The following CMYA5 variants were observed in gnomAD, a reference collection of about 807,000 sequenced individuals.
CMYA5 encodes the protein cardiomyopathy associated 5, also known as cardiomyopathy-associated protein 5.
In CMYA5, 246 loss-of-function variants were observed where a neutral mutation model predicts 318.9. The ratio of observed to expected loss-of-function variants is 0.77; its 90% CI spans 0.70 to 0.86. The LOEUF (loss-of-function observed/expected upper bound fraction) is 0.86. Among genes scored for constraint, CMYA5 ranks in the 40% least tolerant of loss-of-function variants. The pLI is 0.00. For missense variants in CMYA5, 4,589 were observed against 4,678.2 expected (o/e 0.98, Z 0.56); for synonymous variants, 1,641 against 1,729.5 (o/e 0.95, Z 1.27).
At chr5:79,792,368 T>C (rs761372121) in intron 11 of CMYA5, among the ~76,000 whole-genome samples, 5 of 152,324 alleles carry the variant, frequency 3.3e-5, no homozygotes, top group Non-Finnish European at 7.4e-5. Context: ...TTTTCTGTCT[T>C]TTGGATTCCT....
At chr5:79,786,359 C>A (rs1402802583) in intron 9 of CMYA5, among the ~76,000 whole-genome samples, 1 of 152,218 alleles carries the variant, frequency 6.6e-6, no homozygotes, top group African/African-American at 2.4e-5. Context: ...CAAAATGAGA[C>A]CATTTGAGTC....
chr5:79,772,600 C>T (rs890285364), intron 9 of CMYA5, among the ~76,000 whole-genome samples: 2 of 152,236 alleles, frequency 1.3e-5, no homozygotes, highest in Non-Finnish European at 2.9e-5. Flanking sequence ...TGCTGACACA[C>T]TGCATCAGAG....
chr5:79,755,380 G>T (rs555315688), intron 6 of CMYA5, among the ~76,000 whole-genome samples: 2 of 152,120 alleles, frequency 1.3e-5, no homozygotes, highest in South Asian at 4.1e-4. Context: ...TCCGCCTCCC[G>T]GGTTCAAGCC....
In CMYA5 at chr5:79,765,607, C is replaced by A. The variant is rs551997644; in HGVS notation, c.11555+2398C>A. Among the ~76,000 whole-genome samples the A allele has an allele frequency of 7.2e-5, 11 of 152,258 alleles. No individual in the cohort carries two copies. In the South Asian group the frequency reaches 1.0e-3, roughly 14 times the overall value. On this transcript the variant is annotated intron_variant, in intron 9 of 12. Coordinates refer to ENST00000446378, the MANE Select transcript of CMYA5 (RefSeq NM_153610.5). Reference sequence around the variant, plus strand: ...TATGGCCATTTTCACAATATTGGTTCTTTCTATCCATGAGCATGGAATGTT... The same window carrying A: ...TATGGCCATTTTCACAATATTGGTTATTTCTATCCATGAGCATGGAATGTT...
chr5:79,755,412 C>T (rs1168303471), intron 6 of CMYA5, among the ~76,000 whole-genome samples: 2 of 152,042 alleles, frequency 1.3e-5, no homozygotes, highest in African/African-American at 2.4e-5. Context: ...TCAGCCTCCC[C>T]AGTAGCTGGG....
chr5:79,719,466 T>G (rs1017389126), intron 1 of CMYA5, among the ~76,000 whole-genome samples: 1 of 152,212 alleles, frequency 6.6e-6, no homozygotes, highest in Non-Finnish European at 1.5e-5. Context: ...ATATCAGATG[T>G]TATATTTTTT....
chr5:79,737,660 C>T lies in CMYA5; in HGVS notation c.8895C>T (p.Ile2965=), dbSNP rs369437195. The T allele has an allele frequency of 5.6e-6, 9 of 1,613,024 alleles. No homozygotes were observed. Among genetic ancestry groups the T allele is most frequent in the Middle Eastern group, 1.6e-4 (1 of 6,080 alleles). The change falls in exon 2 of 13, where the codon ATC becomes ATT. Residue 2965 remains isoleucine (I), a synonymous_variant. Transcript: ENST00000446378. ...NIHAPAFISS[I]DQEESEQMQD... ...ATGCTCCGGCCTTTATTTCTTCAATCGATCAGGAAGAAAGTGAACAAATGC... is the reference window on the plus strand; with the variant it reads ...ATGCTCCGGCCTTTATTTCTTCAATTGATCAGGAAGAAAGTGAACAAATGC...
At position 79,731,204 on chromosome 5, in the gene CMYA5, G is replaced by T. The variant is rs1827889858; in HGVS notation, c.2439G>T (p.Lys813Asn). ...APLNATQESQ[K>N]KIINEASQFK... Reference sequence around the variant, plus strand: ...TCAATGCAACACAGGAATCTCAAAAGAAAATAATCAATGAGGCATCCCAAT... The same window carrying T: ...TCAATGCAACACAGGAATCTCAAAATAAAATAATCAATGAGGCATCCCAAT... Residue 813 changes from lysine to asparagine, a missense_variant, in exon 2 of 13, where the codon AAG becomes AAT. Physicochemically the swap from Lys to Asn is moderately conservative, Grantham distance 94. This residue lies in a region of CMYA5 where 2,132 missense variants were observed against 2,131.3 expected (regional missense o/e 1.00). Coordinates refer to ENST00000446378, the MANE Select transcript of CMYA5 (RefSeq NM_153610.5). 1 of 1,613,994 alleles carries T rather than the reference G, an allele frequency of 6.2e-7. No homozygotes were observed. The highest frequency in any genetic ancestry group is 8.5e-7 in the Non-Finnish European group (1 of 1,179,892).
chr5:79,728,251 G>C (rs1404538878), intron 1 of CMYA5, among the ~76,000 whole-genome samples: 1 of 152,084 alleles, frequency 6.6e-6, no homozygotes, highest in Non-Finnish European at 1.5e-5. Context: ...ACCTGTAGGG[G>C]TAGGGTGCAG....
rs895059899 is a variant in CMYA5, at chr5:79,738,452, C to T, written c.9687C>T (p.Asp3229=). ...SEASFPSRNS[D]TDDGTGIYFE... ...CATCATTTCCCAGCAGAAATTCTGA[C>T]ACTGATGATGGAACAGGAATATATT... is the stretch of plus-strand genomic sequence containing the variant. The change falls in exon 2 of 13, where the codon GAC becomes GAT. Residue 3229 remains aspartate, a synonymous_variant. Coordinates refer to ENST00000446378, the MANE Select transcript of CMYA5 (RefSeq NM_153610.5). 6.2e-7 allele frequency: 1 copy of T among 1,613,698 alleles called. No homozygotes were observed. Among genetic ancestry groups the T allele is most frequent in the Admixed American group, 1.7e-5 (1 of 59,960 alleles).
chr5:79,772,371 C>G (rs1828872025), intron 9 of CMYA5, among the ~76,000 whole-genome samples: 1 of 152,164 alleles, frequency 6.6e-6, no homozygotes, highest in African/African-American at 2.4e-5. Context: ...ATGCGAAGCC[C>G]TGTTGATAGT....
chr5:79,786,793 T>C (rs1005958035), intron 9 of CMYA5, among the ~76,000 whole-genome samples: 1 of 152,200 alleles, frequency 6.6e-6, no homozygotes, highest in Non-Finnish European at 1.5e-5. Flanking sequence ...CTAACCTTTT[T>C]TGCTTTGTTC....
intron 7 of CMYA5, among the ~76,000 whole-genome samples, chr5:79,760,188 C>CT (rs11304680): frequency 7.4e-4 from 106 of 143,952 alleles, no homozygotes; most frequent in East Asian, 1.2e-3. Context: ...GCTTGGCCTG[C>CT]TTTTTTTTTT....
intron 1 of CMYA5, among the ~76,000 whole-genome samples, chr5:79,692,467 C>T (rs1826987119): frequency 1.3e-5 from 2 of 152,164 alleles, no homozygotes; most frequent in Admixed American, 6.5e-5. Flanking sequence ...CAGGAAAGCT[C>T]ATCATTTACA....
chr5:79,727,195 C>T (rs774585972), intron 1 of CMYA5, among the ~76,000 whole-genome samples: 2 of 152,128 alleles, frequency 1.3e-5, no homozygotes, highest in Non-Finnish European at 2.9e-5. Context: ...GGATTACAGG[C>T]GTGAGCCACT....
rs571325962 is a variant in CMYA5, at chr5:79,730,767, C to A, written c.2002C>A (p.Leu668Met). The change falls in exon 2 of 13, where the codon CTG (leucine) becomes ATG (methionine). Residue 668 changes from leucine to methionine, a missense_variant. Coordinates refer to ENST00000446378, the MANE Select transcript of CMYA5 (RefSeq NM_153610.5). ...GAAGACTTCAGAGAACCAGTCTCCA[C>A]TGTTTTCAACAGTTACACCAGAATA... is the stretch of plus-strand genomic sequence containing the variant. ...TEKTSENQSP[L>M]FSTVTPEYMV... is the part of the protein sequence containing the mutation. The A allele has an allele frequency of 1.2e-6, 2 of 1,613,900 alleles. No individual in the cohort carries two copies. Among genetic ancestry groups the A allele is most frequent in the Non-Finnish European group, 1.7e-6 (2 of 1,179,848 alleles).
At position 79,761,967 on chromosome 5, in the gene CMYA5, T is replaced by A. The variant is rs767508225; in HGVS notation, c.11407+10T>A. 1.5e-5 allele frequency: 24 copies of A among 1,610,302 alleles called. No homozygotes were observed. The highest frequency in any genetic ancestry group is 1.7e-5 in the Admixed American group (1 of 59,410). On this transcript the variant is annotated intron_variant, in intron 8 of 12. Transcript: ENST00000446378. ...GCCATCTTTAGGACAGGTAAGGAGATGGATGCTAAGGGTGCATTAGAAGAC... is the reference window on the plus strand; with the variant it reads ...GCCATCTTTAGGACAGGTAAGGAGAAGGATGCTAAGGGTGCATTAGAAGAC...
chr5:79,690,045 G>C lies in CMYA5; in HGVS notation c.138G>C (p.Glu46Asp). ...EDETAAESEE[E>D]PDSRLSDQDE... is the part of the protein sequence containing the mutation. The stretch of plus-strand genomic sequence containing the variant: ...AGACGGCGGCGGAGTCGGAGGAGGA[G>C]CCGGACTCCAGGTAGCGCGAGCCTC... The change falls in exon 1 of 13, where the codon GAG (glutamate) becomes GAC (aspartate). Residue 46 changes from glutamate (E) to aspartate (D), a missense_variant. By Grantham distance (45) the Glu-to-Asp change is conservative (BLOSUM62 2). This residue lies in a region of CMYA5 where 2,132 missense variants were observed against 2,131.3 expected (regional missense o/e 1.00). Coordinates refer to ENST00000446378, the MANE Select transcript of CMYA5 (RefSeq NM_153610.5). 6.9e-7 allele frequency: 1 copy of C among 1,455,524 alleles called. No homozygotes were observed. Among genetic ancestry groups the C allele is most frequent in the Non-Finnish European group, 9.1e-7 (1 of 1,100,004 alleles). The allele number at this position is 1,455,524 out of a possible 1,614,324, so 90.2% of individuals were successfully genotyped here.
chr5:79,799,483 A>G lies in CMYA5; in HGVS notation c.12077A>G (p.Glu4026Gly), dbSNP rs1342366894. The change falls in exon 13 of 13, where the codon GAG becomes GGG. Residue 4026 changes from glutamate to glycine, a missense_variant. Physicochemically the swap from Glu to Gly is moderately conservative, Grantham distance 98. Around this residue, in one of 3 missense-constraint regions of CMYA5, gnomAD observed 2,431 missense variants for 2,495.1 expected, o/e 0.97. Transcript: ENST00000446378. Reference sequence around the variant, plus strand: ...CAGAGACTTATCTTCATCAACGCAGAGAGCGAGCAGTTGCTCTTCATCATC... The same window carrying G: ...CAGAGACTTATCTTCATCAACGCAGGGAGCGAGCAGTTGCTCTTCATCATC... ...NNQRLIFINA[E>G]SEQLLFIIRH... 1 of 1,613,922 alleles carries G rather than the reference A, an allele frequency of 6.2e-7. No homozygotes were observed. The highest frequency in any genetic ancestry group is 8.5e-7 in the Non-Finnish European group (1 of 1,179,898).
Sources: allele counts gnomAD v4.1 joint callset (sites outside exome capture counted in the v4.1 genomes callset), GRCh38; gene constraint gnomAD v4.1.1; regional missense constraint gnomAD v4.1.1; transcripts MANE v1.5; gene names NCBI Gene and HGNC (gene_info 2026-07-23, HGNC 2026-07-21).